Variants in CAMTA1 observed in about 807,000 individuals in gnomAD.
CAMTA1 encodes the protein calmodulin-binding transcription activator 1.
In CAMTA1, 27 loss-of-function variants were observed where a neutral mutation model predicts 170.9. That is an observed-to-expected ratio of 0.16 (90% CI 0.12 to 0.22). The LOEUF is 0.22. Ranked by LOEUF, CAMTA1 falls within the 10% of genes least tolerant of loss-of-function variation. CAMTA1 has a pLI of 1.00. For missense variants in CAMTA1, 1,619 were observed against 2,217.2 expected, an observed-to-expected ratio of 0.73 and a Z score of 5.42; for synonymous variants, 833 against 891.5, an observed-to-expected ratio of 0.93 and a Z score of 1.17.
At chr1:7,311,172 T>C (rs1676674959) in intron 5 of CAMTA1, among the ~76,000 whole-genome samples, 1 of 152,272 alleles carries the variant, frequency 6.6e-6, no homozygotes, top group African/African-American at 2.4e-5. Context: ...TTTGAAGTTT[T>C]TGATGATTAT....
intron 6 of CAMTA1, among the ~76,000 whole-genome samples, chr1:7,550,918 C>T (rs774355270): frequency 6.6e-6 from 1 of 152,102 alleles, no homozygotes; most frequent in Non-Finnish European, 1.5e-5. Flanking sequence ...CACCCCAGCT[C>T]TCTCTGCCCC....
chr1:7,391,872 A>G (rs544523804), intron 5 of CAMTA1, among the ~76,000 whole-genome samples: 129 of 152,280 alleles, frequency 8.5e-4, no homozygotes, highest in African/African-American at 3.0e-3. Flanking sequence ...GTGGTGTTCC[A>G]TGGTGTGGAT....
intron 3 of CAMTA1, among the ~76,000 whole-genome samples, chr1:6,921,032 C>T (rs1349309207): frequency 6.6e-6 from 1 of 152,216 alleles, no homozygotes; most frequent in Non-Finnish European, 1.5e-5. Context: ...CTGCAGCAGG[C>T]TTGAATTTCT....
intron 3 of CAMTA1, among the ~76,000 whole-genome samples, chr1:7,036,767 A>G (rs1416424540): frequency 1.3e-5 from 2 of 152,220 alleles, no homozygotes; most frequent in African/African-American, 4.8e-5. Flanking sequence ...TGGCTCTATC[A>G]ATTACAGTAT....
chr1:7,737,266 T>A lies in CAMTA1; in HGVS notation c.3354T>A (p.Cys1118Ter). The A allele has an allele frequency of 6.2e-7, 1 of 1,613,362 alleles. No homozygotes were observed. Residue 1118 changes from cysteine (C) to a stop codon, truncating the protein, a stop_gained, in exon 15 of 23, where the codon TGT becomes TGA. Transcript: ENST00000303635. LOFTEE classifies it high-confidence loss of function. The stretch of plus-strand genomic sequence containing the variant: ...TCCCTGTCTTCTAGATGTGGGCGTG[T>A]GCCCTAGGGCACTTGGAAGCTGCCG... Reference protein sequence around the residue: ...HFSCTPLMWACALGHLEAAVV... With the variant: ...HFSCTPLMWA
intron 4 of CAMTA1, among the ~76,000 whole-genome samples, chr1:7,153,164 T>A (rs150140253): frequency 1.5e-4 from 23 of 152,280 alleles, no homozygotes; most frequent in African/African-American, 4.6e-4. Context: ...CCCTCTTCTG[T>A]CTCTTGCAGT....
intron 9 of CAMTA1, among the ~76,000 whole-genome samples, chr1:7,666,369 G>A (rs1006071379): frequency 6.6e-6 from 1 of 152,108 alleles, no homozygotes; most frequent in Non-Finnish European, 1.5e-5. Context: ...GTCATAGGAC[G>A]CAGGATTCCA....
intron 3 of CAMTA1, among the ~76,000 whole-genome samples, chr1:7,053,555 T>C (rs1469785824): frequency 1.3e-5 from 2 of 152,162 alleles, no homozygotes; most frequent in Non-Finnish European, 2.9e-5. Flanking sequence ...TCAGGATAGA[T>C]GCTGAAGTCC....
intron 3 of CAMTA1, among the ~76,000 whole-genome samples, chr1:6,972,656 G>C (rs917051307): frequency 2.0e-5 from 3 of 152,192 alleles, no homozygotes; most frequent in Admixed American, 1.3e-4. Context: ...GGCCAGGGAA[G>C]TGCTGATTAG....
chr1:7,231,735 G>A (rs532664844), intron 4 of CAMTA1, among the ~76,000 whole-genome samples: 3 of 152,310 alleles, frequency 2.0e-5, no homozygotes, highest in East Asian at 1.9e-4. Context: ...TCCCCTATGC[G>A]GCAGCCAGAC....
At chr1:6,956,933 G>C (rs1689556559) in intron 3 of CAMTA1, among the ~76,000 whole-genome samples, 2 of 152,234 alleles carry the variant, frequency 1.3e-5, no homozygotes, top group Non-Finnish European at 2.9e-5. Context: ...TTAGTTAGTA[G>C]CGGTCGGGCC....
intron 6 of CAMTA1, among the ~76,000 whole-genome samples, chr1:7,568,814 T>C (rs369534260): frequency 1.4e-5 from 2 of 147,962 alleles, no homozygotes. Context: ...AACATCACCA[T>C]CATCGTCATC....
chr1:7,303,490 T>C (rs1435747319), intron 5 of CAMTA1, among the ~76,000 whole-genome samples: 1 of 152,238 alleles, frequency 6.6e-6, no homozygotes, highest in African/African-American at 2.4e-5. Context: ...GGACATAATT[T>C]ATGTCATACA....
At chr1:7,524,945 C>T (rs1456484450) in intron 6 of CAMTA1, among the ~76,000 whole-genome samples, 1 of 152,170 alleles carries the variant, frequency 6.6e-6, no homozygotes, top group Non-Finnish European at 1.5e-5. Flanking sequence ...CAGTGTGGAC[C>T]ATTCACACAT....
At chr1:7,395,106 C>T (rs2089174013) in intron 5 of CAMTA1, among the ~76,000 whole-genome samples, 2 of 152,204 alleles carry the variant, frequency 1.3e-5, no homozygotes, top group African/African-American at 4.8e-5. Context: ...TGGTCTCAAA[C>T]TCCTGACCTC....
At chr1:7,288,307 T>C (rs1672639508) in intron 5 of CAMTA1, among the ~76,000 whole-genome samples, 1 of 152,198 alleles carries the variant, frequency 6.6e-6, no homozygotes, top group African/African-American at 2.4e-5. Flanking sequence ...AGGAAGGGGT[T>C]GCTTTTTGTC....
At chr1:7,263,075 G>A (rs1668404328) in intron 5 of CAMTA1, among the ~76,000 whole-genome samples, 1 of 151,988 alleles carries the variant, frequency 6.6e-6, no homozygotes, top group Admixed American at 6.5e-5. Context: ...ATGCGACACG[G>A]TATTTTGGCC....
At chr1:7,306,731 G>A (rs1399059889) in intron 5 of CAMTA1, among the ~76,000 whole-genome samples, 1 of 151,794 alleles carries the variant, frequency 6.6e-6, no homozygotes, top group East Asian at 1.9e-4. Flanking sequence ...GGGGGAAACT[G>A]GAAACCTTTC....
chr1:6,904,398 C>G (rs1443674925), intron 3 of CAMTA1, among the ~76,000 whole-genome samples: 2 of 152,216 alleles, frequency 1.3e-5, no homozygotes, highest in South Asian at 2.1e-4. Flanking sequence ...TGAGATGGCT[C>G]TCCTGAGCTT....
Sources: gnomAD v4.1 joint callset for allele counts (sites outside exome capture counted in the v4.1 genomes callset) on GRCh38, gnomAD v4.1.1 for gene constraint, MANE v1.5 for transcripts, NCBI Gene and HGNC (gene_info 2026-07-23, HGNC 2026-07-21) for gene names.